CIC: variants seen among roughly 807,000 people sequenced by gnomAD.
CIC encodes protein capicua homolog.
A neutral mutation model predicts 115.7 loss-of-function variants in CIC; 18 were observed. The ratio of observed to expected loss-of-function variants is 0.16; its 90% CI spans 0.11 to 0.23. The LOEUF (loss-of-function observed/expected upper bound fraction) is 0.23, where lower values mean the gene tolerates loss of function less well. Ranked by LOEUF, CIC falls within the 10% of genes least tolerant of loss-of-function variation. The pLI, the probability that CIC is intolerant of heterozygous loss-of-function variation, is 1.00. For synonymous variants in CIC, 1,076 were observed against 923.0 expected, an observed-to-expected ratio of 1.17 and a Z score of -3.01; for missense variants, 2,000 against 2,159.3, an observed-to-expected ratio of 0.93 and a Z score of 1.46.
Position 42,274,405 on chromosome 19 carries a change from T to C in CIC, c.2622T>C (p.Ala874=). Reference sequence around the variant, plus strand: ...CCGTGCCCATCACCGTGCCTCCAGCTGCACCAACTGCCGTGGCCCAGCCGA... The same window carrying C: ...CCGTGCCCATCACCGTGCCTCCAGCCGCACCAACTGCCGTGGCCCAGCCGA... ...PAPVPITVPP[A]APTAVAQPMP... The change falls in exon 2 of 21, where the codon GCT becomes GCC. Residue 874 remains alanine, a synonymous_variant. Coordinates refer to ENST00000681038, the MANE Select transcript of CIC (RefSeq NM_001386298.1). 2.5e-6 allele frequency: 1 copy of C among 399,158 alleles called. No homozygotes were observed. Among genetic ancestry groups the C allele is most frequent in the Non-Finnish European group, 4.4e-6 (1 of 226,452 alleles). The allele number at this position is 399,158 out of a possible 1,614,324, so 24.7% of individuals were successfully genotyped here. A position where few individuals can be genotyped will look rare whatever the true frequency, so the allele number is the denominator to read the frequency against.
chr19:42,293,258 A>G lies in CIC; in HGVS notation c.6499A>G (p.Ser2167Gly), dbSNP rs774014216. 67 of 1,584,354 alleles carry G rather than the reference A, an allele frequency of 4.2e-5. No homozygotes were observed. The highest frequency in any genetic ancestry group is 5.4e-5 in the Non-Finnish European group (63 of 1,167,494). Residue 2167 changes from serine to glycine, a missense_variant, in exon 16 of 21, where the codon AGC becomes GGC. Transcript: ENST00000681038. The part of the protein sequence containing the change: ...PLPPPAEERT[S>G]AKGPETMASK... Reference sequence around the variant, plus strand: ...GCCCCCACCTGCTGAGGAGCGGACCAGCGCCAAGGGCCCTGAGACCATGGT... The same window carrying G: ...GCCCCCACCTGCTGAGGAGCGGACCGGCGCCAAGGGCCCTGAGACCATGGT...
At position 42,293,177 on chromosome 19, in the gene CIC, G is replaced by A. The variant is rs1032092190; in HGVS notation, c.6418G>A (p.Ala2140Thr). 6 of 1,602,586 alleles carry A rather than the reference G, an allele frequency of 3.7e-6. No individual in the cohort carries two copies. Among genetic ancestry groups the A allele is most frequent in the Non-Finnish European group, 5.1e-6 (6 of 1,175,482 alleles). ...GCTTGAGGGGCAGCCCACACCACCAGCCCCTCCACCCCTGCCAGAGACCTG... is the reference window on the plus strand; with the variant it reads ...GCTTGAGGGGCAGCCCACACCACCAACCCCTCCACCCCTGCCAGAGACCTG... ...SELEGQPTPP[A>T]PPPLPETWTP... Residue 2140 changes from alanine to threonine, a missense_variant, in exon 16 of 21, where the codon GCC becomes ACC. Ala to Thr is a moderately conservative substitution (Grantham distance 58, BLOSUM62 0). Transcript: ENST00000681038.
At chr19:42,275,855 G>A (rs924144109) in intron 2 of CIC, among the ~76,000 whole-genome samples, 2 of 151,954 alleles carry the variant, frequency 1.3e-5, no homozygotes, top group Admixed American at 6.6e-5. Flanking sequence ...GTTGATTCAG[G>A]GCCTGGCCCT....
chr19:42,281,733 C>T (rs547656127), intron 2 of CIC, among the ~76,000 whole-genome samples: 2 of 152,348 alleles, frequency 1.3e-5, no homozygotes, highest in East Asian at 3.9e-4. Context: ...GGATTCCCGC[C>T]CCTCCCTGCC....
chr19:42,286,316 G>T (rs2037636122), intron 2 of CIC, among the ~76,000 whole-genome samples: 1 of 152,100 alleles, frequency 6.6e-6, no homozygotes, highest in Non-Finnish European at 1.5e-5. Flanking sequence ...TCAGGAAAGG[G>T]AAAGAGAGCA....
chr19:42,273,921 G>A lies in CIC; in HGVS notation c.2138G>A (p.Arg713Gln), dbSNP rs1375272161. 2 of 398,154 alleles carry A rather than the reference G, an allele frequency of 5.0e-6. No individual in the cohort carries two copies. Among genetic ancestry groups the A allele is most frequent in the East Asian group, 3.6e-5 (1 of 27,988 alleles). 24.7% of individuals were successfully genotyped at this position (398,154 alleles called of 1,614,324 possible). A position where few individuals can be genotyped will look rare whatever the true frequency, so the allele number is the denominator to read the frequency against. Reference protein sequence around the residue: ...LTFTVPISPGRRKTELLPHPG... With the variant: ...LTFTVPISPGQRKTELLPHPG... ...TTCACCGTGCCCATCAGCCCTGGGC[G>A]ACGGAAGACAGAGCTGTTGCCGCAT... is the stretch of plus-strand genomic sequence containing the variant. The change falls in exon 2 of 21, where the codon CGA becomes CAA. Residue 713 changes from arginine (R) to glutamine (Q), a missense_variant. Physicochemically the swap from Arg to Gln is conservative, Grantham distance 43. This residue lies in a region of CIC where 222 missense variants were observed against 247.7 expected (regional missense o/e 0.90). Transcript: ENST00000681038.
rs1351324762 is a variant in CIC at position 42,273,003 on chromosome 19, C to T, written c.1220C>T (p.Ala407Val). The T allele has an allele frequency of 7.5e-6, 3 of 398,966 alleles. No homozygotes were observed. Among genetic ancestry groups the T allele is most frequent in the East Asian group, 3.6e-5 (1 of 28,066 alleles). The allele number at this position is 398,966 out of a possible 1,614,324, so 24.7% of individuals were successfully genotyped here. Residue 407 changes from alanine to valine, a missense_variant, in exon 2 of 21, where the codon GCC (alanine) becomes GTC (valine). Coordinates refer to ENST00000681038, the MANE Select transcript of CIC (RefSeq NM_001386298.1). The part of the protein sequence containing the change: ...CEEGEEKHPP[A>V]LGTPALLPLP... ...GAGGGCGAGGAGAAGCACCCTCCAG[C>T]CCTGGGTACCCCAGCCCTGCTCCCA...
In CIC at chr19:42,287,101, A is replaced by G. The variant is rs2147179569; in HGVS notation, c.3040A>G (p.Ser1014Gly). 6.2e-7 allele frequency: 1 copy of G among 1,613,398 alleles called. No individual in the cohort carries two copies. Among genetic ancestry groups the G allele is most frequent in the Non-Finnish European group, 8.5e-7 (1 of 1,179,952 alleles). ...GCCCCCTGGAGCCACATGCCCTGAGAGCCCAGGACCCGGACCCCCACACCC... is the reference window on the plus strand; with the variant it reads ...GCCCCCTGGAGCCACATGCCCTGAGGGCCCAGGACCCGGACCCCCACACCC... ...ERPPGATCPE[S>G]PGPGPPHPLG... Residue 1014 changes from serine (S) to glycine (G), a missense_variant, in exon 4 of 21, where the codon AGC becomes GGC. Around this residue, in one of 8 missense-constraint regions of CIC, gnomAD observed 222 missense variants for 247.7 expected, o/e 0.90. Transcript: ENST00000681038. The surrounding 1 kb of genome is among the most constrained non-coding windows in gnomAD (Gnocchi z 8.7).
rs542832006 is a variant in CIC, at chr19:42,288,873, C to T, written c.3659-15C>T. On this transcript the variant is annotated splice_polypyrimidine_tract_variant and intron_variant, in intron 7 of 20. Coordinates refer to ENST00000681038, the MANE Select transcript of CIC (RefSeq NM_001386298.1). Reference sequence around the variant, plus strand: ...AGGCTTACTGACTGTCATAGCGCCACTCTCTACTTTACAGTGTCCTCTGAG... The same window carrying T: ...AGGCTTACTGACTGTCATAGCGCCATTCTCTACTTTACAGTGTCCTCTGAG... The T allele has an allele frequency of 3.2e-5, 52 of 1,613,016 alleles. No individual in the cohort carries two copies. The highest frequency in any genetic ancestry group is 1.0e-4 in the Admixed American group (6 of 60,012).
In CIC at chr19:42,295,511, G is replaced by A. The variant is rs2038452440; in HGVS notation, c.*320G>A. The A allele has an allele frequency of 6.3e-6, 2 of 319,720 alleles. No individual in the cohort carries two copies. The highest frequency in any genetic ancestry group is 4.6e-5 in the Admixed American group (1 of 21,742). The allele number at this position is 319,720 out of a possible 1,614,324, so 19.8% of individuals were successfully genotyped here. On this transcript the variant is annotated 3_prime_UTR_variant, in exon 21 of 21. Coordinates refer to ENST00000681038, the MANE Select transcript of CIC (RefSeq NM_001386298.1). ...AAGCTGGAGGGTGGTGCAGGCCTTGGGCCACAGGGAGGCGCCTGTGGAATA... is the reference window on the plus strand; with the variant it reads ...AAGCTGGAGGGTGGTGCAGGCCTTGAGCCACAGGGAGGCGCCTGTGGAATA...
At chr19:42,288,210 T>G (rs1385383072) in intron 7 of CIC, among the ~76,000 whole-genome samples, 1 of 152,066 alleles carries the variant, frequency 6.6e-6, no homozygotes, top group Non-Finnish European at 1.5e-5. Context: ...GTTTAACGAG[T>G]GTTTACTATG....
At chr19:42,289,545 G>A in intron 9 of CIC, 139 bp downstream of exon 9, 1 of 1,013,124 alleles carries the variant, frequency 9.9e-7, no homozygotes, top group Non-Finnish European at 1.5e-6. Flanking sequence ...GCCAGTTCAG[G>A]CCCTGCCGAG....
chr19:42,268,795 G>T (rs928574894), upstream of CIC, among the ~76,000 whole-genome samples: 5 of 152,228 alleles, frequency 3.3e-5, no homozygotes, highest in Non-Finnish European at 7.3e-5. Flanking sequence ...ACTGCGACTA[G>T]CCGGTCAACA....
Position 42,292,371 on chromosome 19 carries a change from G to T in CIC, c.5807G>T (p.Gly1936Val), listed in dbSNP as rs760775733. The change falls in exon 14 of 21, where the codon GGA becomes GTA. Residue 1936 changes from glycine to valine, a missense_variant. Around this residue, in one of 8 missense-constraint regions of CIC, gnomAD observed 1,466 missense variants for 1,390.4 expected, o/e 1.05. Transcript: ENST00000681038. Reference sequence around the variant, plus strand: ...ACCAGCCCTGCGTCCAGCCAGGCTGGAACAGTCACCTCGTACGGGCCCACG... The same window carrying T: ...ACCAGCCCTGCGTCCAGCCAGGCTGTAACAGTCACCTCGTACGGGCCCACG... ...LGTSPASSQAGTVTSYGPTSS... is the reference protein window; with the variant it reads ...LGTSPASSQAVTVTSYGPTSS... 6.2e-6 allele frequency: 10 copies of T among 1,612,894 alleles called. No homozygotes were observed. In the South Asian group the frequency reaches 7.7e-5, roughly 12 times the overall value.
At chr19:42,291,839 G>T in intron 12 of CIC, 94 bp downstream of exon 12, 6 of 1,494,170 alleles carry the variant, frequency 4.0e-6, no homozygotes, top group Non-Finnish European at 5.6e-6. Context: ...CCTTCTCCAT[G>T]TATCTGGTTC....
chr19:42,291,514 T>C (rs966281877), intron 11 of CIC, 44 bp from the exon 12 acceptor site: 7 of 1,613,048 alleles, frequency 4.3e-6, no homozygotes, highest in African/African-American at 4.0e-5. Flanking sequence ...TAGTCCTGTT[T>C]GGCTCCCTTG....
chr19:42,284,570 G>T (rs924067563), intron 2 of CIC: 18 of 310,270 alleles, frequency 5.8e-5, no homozygotes, highest in East Asian at 1.1e-4. Context: ...GGGGCGGCGG[G>T]GGGGGGGGCA....
Position 42,291,084 on chromosome 19 carries a change from C to A in CIC, c.5043C>A (p.Ala1681=), listed in dbSNP as rs374952209. 78 of 1,613,516 alleles carry A rather than the reference C, an allele frequency of 4.8e-5. No individual in the cohort carries two copies. Among genetic ancestry groups the A allele is most frequent in the Non-Finnish European group, 6.3e-5 (74 of 1,179,826 alleles). Residue 1681 remains alanine (A), a synonymous_variant, in exon 11 of 21, where the codon GCC becomes GCA. Coordinates refer to ENST00000681038, the MANE Select transcript of CIC (RefSeq NM_001386298.1). ...TGGTGGGCACCCCGGGGTATGGGGC[C>A]CCTGCGCCCCCTGCTGTCCAGTTCA... The part of the protein sequence containing the change: ...NLLVGTPGYG[A]PAPPAVQFIA...
In CIC at chr19:42,293,933, A is replaced by T. The variant is rs1174760610; in HGVS notation, c.6768-2A>T. On this transcript the variant is annotated splice_acceptor_variant, in intron 17 of 20. Transcript: ENST00000681038. LOFTEE classifies it high-confidence loss of function. Reference sequence around the variant, plus strand: ...GGGGAGGTGACCCTGCCGGCCCTCCAGCAGGGTCCTGTCAGAAGTGGACTT... The same window carrying T: ...GGGGAGGTGACCCTGCCGGCCCTCCTGCAGGGTCCTGTCAGAAGTGGACTT... 4 of 1,612,922 alleles carry T rather than the reference A, an allele frequency of 2.5e-6. No individual in the cohort carries two copies. The highest frequency in any genetic ancestry group is 3.4e-6 in the Non-Finnish European group (4 of 1,179,964).
Sources: gnomAD v4.1 joint callset for allele counts (sites outside exome capture counted in the v4.1 genomes callset) on GRCh38, gnomAD v4.1.1 for gene constraint, gnomAD v4.1.1 regional missense constraint, Gnocchi (gnomAD v3.1) non-coding constraint, MANE v1.5 for transcripts, NCBI Gene and HGNC (gene_info 2026-07-23, HGNC 2026-07-21) for gene names.